KALRN: variants seen among roughly 807,000 people sequenced by gnomAD.
The protein encoded by KALRN is kalirin RhoGEF kinase.
KALRN carries 70 observed loss-of-function variants against 353.7 expected under a neutral mutation model. The ratio of observed to expected loss-of-function variants is 0.20; its 90% CI spans 0.16 to 0.24. The LOEUF is 0.24. Ranked by LOEUF, KALRN falls within the 10% of genes least tolerant of loss-of-function variation. KALRN has a pLI of 1.00. For synonymous variants in KALRN, 1,391 were observed against 1,434.8 expected, an observed-to-expected ratio of 0.97 and a Z score of 0.69; for missense variants, 2,791 against 3,756.7, an observed-to-expected ratio of 0.74 and a Z score of 6.72.
chr3:124,354,910 G>A (rs918066991), intron 10 of KALRN, among the ~76,000 whole-genome samples: 10 of 152,166 alleles, frequency 6.6e-5, no homozygotes, highest in East Asian at 3.9e-4. Flanking sequence ...GAAGATAAGA[G>A]GAACACAGAA....
chr3:124,096,477 A>T (rs2061458940), intron 1 of KALRN: 1 of 152,366 alleles, frequency 6.6e-6, no homozygotes, highest in Middle Eastern at 3.4e-3. Flanking sequence ...CTTAGAGACA[A>T]TTTATACTTA....
At chr3:124,336,324 A>G (rs1313698651) in intron 9 of KALRN, among the ~76,000 whole-genome samples, 1 of 152,126 alleles carries the variant, frequency 6.6e-6, no homozygotes, top group Non-Finnish European at 1.5e-5. Context: ...AGCTATCCTG[A>G]TAAATATATC....
chr3:124,561,538 C>G (rs2072010376), intron 33 of KALRN, among the ~76,000 whole-genome samples: 6 of 152,214 alleles, frequency 3.9e-5, no homozygotes, highest in Admixed American at 3.9e-4. Flanking sequence ...TGTTAATTAT[C>G]TACTCACTGT....
intron 5 of KALRN, among the ~76,000 whole-genome samples, chr3:124,280,408 C>A (rs2075230424): frequency 6.6e-6 from 1 of 152,210 alleles, no homozygotes; most frequent in Middle Eastern, 3.2e-3. Context: ...CCCTGCAGGG[C>A]AGCTCTCCCA....
rs1461199372 is a variant in KALRN, at chr3:124,384,861, C to T, written c.1787C>T (p.Ala596Val). 5 of 1,602,206 alleles carry T rather than the reference C, an allele frequency of 3.1e-6. No individual in the cohort carries two copies. The highest frequency in any genetic ancestry group is 4.3e-6 in the Non-Finnish European group (5 of 1,172,892). Residue 596 changes from alanine (A) to valine (V), a missense_variant, in exon 11 of 60, where the codon GCG becomes GTG. Ala to Val is a moderately conservative substitution (Grantham distance 64). This residue lies in a region of KALRN where 452 missense variants were observed against 575.8 expected (regional missense o/e 0.78). Transcript: ENST00000682506. Reference sequence around the variant, plus strand: ...TGCTGGCAGAATACGTACACCAATGCGGACAAGCTCCTAGAAGCAGCAGAG... The same window carrying T: ...TGCTGGCAGAATACGTACACCAATGTGGACAAGCTCCTAGAAGCAGCAGAG... ...EEVAQNTYTN[A>V]DKLLEAAEQL...
At chr3:124,618,326 AG>A (rs1382158662) in intron 34 of KALRN, among the ~76,000 whole-genome samples, 1 of 151,058 alleles carries the variant, frequency 6.6e-6, no homozygotes, top group Non-Finnish European at 1.5e-5. Flanking sequence ...CATGTTAGCC[AG>A]GATGGTCTCG....
intron 34 of KALRN, among the ~76,000 whole-genome samples, chr3:124,619,808 C>A (rs372900681): frequency 1.9e-4 from 29 of 152,134 alleles, no homozygotes; most frequent in African/African-American, 6.7e-4. Flanking sequence ...TTTTTAATTT[C>A]TTTAGGAACC....
intron 11 of KALRN, among the ~76,000 whole-genome samples, chr3:124,389,576 C>G (rs1388455945): frequency 6.6e-6 from 1 of 152,104 alleles, no homozygotes; most frequent in African/African-American, 2.4e-5. Context: ...AATTAGAGAC[C>G]ATCTAAATGT....
At chr3:124,126,088 T>C (rs1381611382) in intron 1 of KALRN, among the ~76,000 whole-genome samples, 2 of 152,108 alleles carry the variant, frequency 1.3e-5, no homozygotes, top group Non-Finnish European at 2.9e-5. Flanking sequence ...TGCCTTGAAA[T>C]ACAAAATGTT....
chr3:124,369,088 C>T (rs549494998), intron 10 of KALRN, among the ~76,000 whole-genome samples: 7 of 152,120 alleles, frequency 4.6e-5, no homozygotes, highest in African/African-American at 1.7e-4. Context: ...GGAGAGGACA[C>T]TCTTTTGTCC....
At chr3:124,422,393 A>G (rs928950711) in intron 14 of KALRN, among the ~76,000 whole-genome samples, 11 of 152,058 alleles carry the variant, frequency 7.2e-5, no homozygotes, top group Non-Finnish European at 1.6e-4. Context: ...TAAAAAAAAA[A>G]GTGTGTCATT....
rs183838131 is a variant in KALRN at position 124,439,023 on chromosome 3, G to C, written c.3184G>C (p.Glu1062Gln). ...PLISKHLEQKEAFLKACTLAR... is the reference protein window; with the variant it reads ...PLISKHLEQKQAFLKACTLAR... ...CATCAGCAAACATTTGGAACAAAAGGAGGCCTTTCTTAAGGTCAGAGCACA... is the reference window on the plus strand; with the variant it reads ...CATCAGCAAACATTTGGAACAAAAGCAGGCCTTTCTTAAGGTCAGAGCACA... The change falls in exon 18 of 60, where the codon GAG becomes CAG. Residue 1062 changes from glutamate (E) to glutamine (Q), a missense_variant. Physicochemically the swap from Glu to Gln is conservative, Grantham distance 29. This residue lies in a region of KALRN where 2 missense variants were observed against 16.2 expected (regional missense o/e 0.12). Coordinates refer to ENST00000682506, the MANE Select transcript of KALRN (RefSeq NM_001388419.1). The C allele has an allele frequency of 1.2e-6, 2 of 1,614,078 alleles. No individual in the cohort carries two copies. The highest frequency in any genetic ancestry group is 3.3e-5 in the Admixed American group (2 of 60,020).
At chr3:124,659,493 G>A (rs762728267) in intron 43 of KALRN, 36 bp downstream of exon 43, 64 of 1,388,896 alleles carry the variant, frequency 4.6e-5, no homozygotes, top group Non-Finnish European at 6.3e-5. Flanking sequence ...GGCTGGAGAA[G>A]GATCCATCAG....
rs778349797 is a variant in KALRN, at chr3:124,717,271, C to A, written c.8301C>A (p.Asp2767Glu). ...LELMDDGRLL[D>E]YLMNHDELME... is the part of the protein sequence containing the mutation. Reference sequence around the variant, plus strand: ...GGATGGATGATGGCCGGCTCTTAGACTACCTTATGAATCATGATGAACTGA... The same window carrying A: ...GGATGGATGATGGCCGGCTCTTAGAATACCTTATGAATCATGATGAACTGA... The change falls in exon 59 of 60, where the codon GAC becomes GAA. Residue 2767 changes from aspartate to glutamate, a missense_variant. By Grantham distance (45) the Asp-to-Glu change is conservative. This residue lies in a region of KALRN where 188 missense variants were observed against 402.9 expected (regional missense o/e 0.47). Transcript: ENST00000682506. 4.4e-6 allele frequency: 7 copies of A among 1,608,390 alleles called. No individual in the cohort carries two copies. The Admixed American group carries it at 1.2e-4, about 27-fold the overall frequency.
intron 1 of KALRN, among the ~76,000 whole-genome samples, chr3:124,174,611 A>G (rs1022178210): frequency 6.6e-6 from 1 of 152,192 alleles, no homozygotes; most frequent in African/African-American, 2.4e-5. Context: ...CAAGGTGCCC[A>G]GAAGTCCTTA....
chr3:124,572,014 T>A (rs988548380), intron 34 of KALRN, among the ~76,000 whole-genome samples: 1 of 151,934 alleles, frequency 6.6e-6, no homozygotes, highest in Admixed American at 6.5e-5. Flanking sequence ...GCATGAAATC[T>A]CCATTTTTGT....
chr3:124,686,325 T>C (rs199935002), intron 51 of KALRN, among the ~76,000 whole-genome samples: 1 of 152,222 alleles, frequency 6.6e-6, no homozygotes, highest in East Asian at 1.9e-4. Flanking sequence ...ATAGGTACTA[T>C]TCGCGTTATT....
At chr3:124,286,082 C>CTTTCTATCTTTCTTT (rs1553893894) in intron 5 of KALRN, among the ~76,000 whole-genome samples, 1 of 102,156 alleles carries the variant, frequency 9.8e-6, no homozygotes. Context: ...TTCTTTCCTT[C>CTTTCTATCTTTCTTT]CTTTCTTTCT....
intron 47 of KALRN, among the ~76,000 whole-genome samples, chr3:124,669,204 G>A (rs897576889): frequency 1.3e-5 from 2 of 152,204 alleles, no homozygotes; most frequent in Non-Finnish European, 2.9e-5. Flanking sequence ...TGAATCCACA[G>A]CTATAGGACT....
Sources: gnomAD v4.1 joint callset for allele counts (sites outside exome capture counted in the v4.1 genomes callset) on GRCh38, gnomAD v4.1.1 for gene constraint, gnomAD v4.1.1 regional missense constraint, MANE v1.5 for transcripts, NCBI Gene and HGNC (gene_info 2026-07-23, HGNC 2026-07-21) for gene names.